The following TENT2 variants were observed in gnomAD, a reference collection of about 807,000 sequenced individuals.
TENT2 encodes the protein terminal nucleotidyltransferase 2, also known as poly(A) RNA polymerase GLD2.
A neutral mutation model predicts 72.2 loss-of-function variants in TENT2; 44 were observed. That is an observed-to-expected ratio of 0.61 (90% CI 0.48 to 0.78). TENT2 has a LOEUF of 0.78. Among genes scored for constraint, TENT2 ranks in the 30% least tolerant of loss-of-function variants. The pLI is 0.00. For synonymous variants in TENT2, 212 were observed against 192.5 expected (o/e 1.10, Z -0.84); for missense variants, 541 against 569.6 (o/e 0.95, Z 0.51).
intron 3 of TENT2, 122 bp downstream of exon 3, chr5:79,620,205 C>T (rs1580176310): frequency 1.7e-6 from 1 of 575,398 alleles, no homozygotes; most frequent in East Asian, 3.0e-5. Context: ...GGGACCTGTA[C>T]GATCAGATGA....
At chr5:79,641,437 GT>G (rs201464334) in intron 6 of TENT2, among the ~76,000 whole-genome samples, 29,185 of 135,388 alleles carry the variant, frequency 0.22, 4,185 homozygotes, top group African/African-American at 0.43. Context: ...TTCACTATGT[GT>G]TTTTTTTTTT....
intron 4 of TENT2, among the ~76,000 whole-genome samples, chr5:79,633,660 C>G (rs1777505669): frequency 6.6e-6 from 1 of 150,972 alleles, no homozygotes; most frequent in South Asian, 2.1e-4. Flanking sequence ...AGGTGATCCA[C>G]CCACCTTAGT....
chr5:79,668,874 CCTT>C lies in TENT2; in HGVS notation c.1072-11_1072-9del, dbSNP rs756942336. Reference sequence around the variant, plus strand: ...TTTTAAATGGCTTTACATTTTTTCCCCTTCTTCTTTTTGACAGGAGTCTTTTAG... The same window carrying C: ...TTTTAAATGGCTTTACATTTTTTCCCCTTCTTTTTGACAGGAGTCTTTTAG... On this transcript the variant is annotated splice_polypyrimidine_tract_variant and intron_variant, in intron 11 of 14. Coordinates refer to ENST00000453514, the MANE Select transcript of TENT2 (RefSeq NM_001114394.3). 49 of 1,590,186 alleles carry C rather than the reference CCTT, an allele frequency of 3.1e-5. No homozygotes were observed. In the Admixed American group the frequency reaches 3.9e-4, roughly 13 times the overall value.
chr5:79,660,301 T>C (rs1801801462), intron 11 of TENT2, among the ~76,000 whole-genome samples: 1 of 152,128 alleles, frequency 6.6e-6, no homozygotes, highest in Admixed American at 6.6e-5. Context: ...TTCAGTTGAA[T>C]AAATGAAGCT....
chr5:79,614,159 A>C (rs939990941), intron 1 of TENT2: 2 of 133,554 alleles, frequency 1.5e-5, no homozygotes, highest in African/African-American at 3.0e-5. Context: ...GCTACAGTGC[A>C]ATGGCACTAT....
At chr5:79,655,261 C>CAT (rs1456524964) in intron 10 of TENT2, among the ~76,000 whole-genome samples, 1 of 152,034 alleles carries the variant, frequency 6.6e-6, no homozygotes, top group Non-Finnish European at 1.5e-5. Flanking sequence ...AAAGTTGTAA[C>CAT]ATAAAGAATT....
At chr5:79,666,862 A>G (rs1351775932) in intron 11 of TENT2, among the ~76,000 whole-genome samples, 1 of 152,144 alleles carries the variant, frequency 6.6e-6, no homozygotes, top group Non-Finnish European at 1.5e-5. Context: ...TTGAGCCACC[A>G]TGCCTGGCTT....
intron 4 of TENT2, among the ~76,000 whole-genome samples, chr5:79,624,601 A>G (rs973649348): frequency 7.9e-5 from 12 of 152,122 alleles, no homozygotes; most frequent in African/African-American, 2.9e-4. Context: ...GGCAACAACT[A>G]ATCTATTTTC....
rs761140978 is a variant in TENT2 at position 79,623,328 on chromosome 5, G to A, written c.304G>A (p.Val102Ile). Reference protein sequence around the residue: ...RFHSPHQEPTVVNQIVPLSGE... With the variant: ...RFHSPHQEPTIVNQIVPLSGE... ...CCATTCACCCCACCAAGAGCCAACT[G>A]TAGTTAACCAGATAGTGCCTTTATC... The change falls in exon 4 of 15, where the codon GTA (valine) becomes ATA (isoleucine). Residue 102 changes from valine to isoleucine, a missense_variant. Coordinates refer to ENST00000453514, the MANE Select transcript of TENT2 (RefSeq NM_001114394.3). 9.4e-5 allele frequency: 151 copies of A among 1,613,380 alleles called. No homozygotes were observed. The highest frequency in any genetic ancestry group is 1.3e-5 in the Non-Finnish European group (15 of 1,179,760).
chr5:79,632,523 T>C (rs1197546817), intron 4 of TENT2, among the ~76,000 whole-genome samples: 1 of 152,204 alleles, frequency 6.6e-6, no homozygotes, highest in Non-Finnish European at 1.5e-5. Flanking sequence ...TTGAAATTTC[T>C]GGTTAGTAGA....
At position 79,616,189 on chromosome 5, in the gene TENT2, A is replaced by ATTTTT. The variant is rs1229523040; in HGVS notation, c.-38+3136_-38+3140dup. The stretch of plus-strand genomic sequence containing the variant: ...GGCATGAGCCATTGCACCCGGCCTA[A>ATTTTT]TTTTTTTTTTTTTTTTTTTTTTTTT... On this transcript the variant is annotated intron_variant, in intron 1 of 14. Coordinates refer to ENST00000453514, the MANE Select transcript of TENT2 (RefSeq NM_001114394.3). Among the ~76,000 whole-genome samples, 4 of 88,130 alleles carry ATTTTT rather than the reference A, an allele frequency of 4.5e-5. 1 individual carries two copies. The highest frequency in any genetic ancestry group is 6.3e-5 in the Non-Finnish European group (3 of 47,800). The allele number at this position is 88,130 out of a possible 152,430, so 57.8% of individuals were successfully genotyped here.
At chr5:79,657,684 C>T (rs1406715931) in intron 11 of TENT2, among the ~76,000 whole-genome samples, 1 of 152,030 alleles carries the variant, frequency 6.6e-6, no homozygotes, top group Non-Finnish European at 1.5e-5. Context: ...CTCCAGAATT[C>T]TCTGTTTCTT....
At chr5:79,672,354 A>G (rs1428525772) in intron 12 of TENT2, among the ~76,000 whole-genome samples, 2 of 152,210 alleles carry the variant, frequency 1.3e-5, no homozygotes, top group Non-Finnish European at 2.9e-5. Flanking sequence ...TAAATGTACA[A>G]TTAAATTATT....
At chr5:79,623,611 G>T (rs1185235782) in intron 4 of TENT2, 122 bp downstream of exon 4, 2 of 570,898 alleles carry the variant, frequency 3.5e-6, no homozygotes, top group Middle Eastern at 4.5e-4. Flanking sequence ...AATGTTTAAA[G>T]TACTATTCAG....
intron 12 of TENT2, among the ~76,000 whole-genome samples, chr5:79,678,657 C>T (rs954198261): frequency 2.6e-5 from 4 of 152,170 alleles, no homozygotes; most frequent in African/African-American, 9.7e-5. Context: ...ATCTGATATA[C>T]AGCCATTAAG....
At chr5:79,631,155 C>T (rs1280400156) in intron 4 of TENT2, among the ~76,000 whole-genome samples, 1 of 152,140 alleles carries the variant, frequency 6.6e-6, no homozygotes, top group Admixed American at 6.5e-5. Flanking sequence ...GCATTCCTGC[C>T]ACCAATCCCC....
chr5:79,664,927 T>C (rs1252171956), intron 11 of TENT2, among the ~76,000 whole-genome samples: 1 of 152,220 alleles, frequency 6.6e-6, no homozygotes, highest in African/African-American at 2.4e-5. Flanking sequence ...CACACTTCAG[T>C]CTGACTTCAA....
chr5:79,669,101 C>A, intron 12 of TENT2, 73 bp downstream of exon 12: 3 of 1,471,422 alleles, frequency 2.0e-6, no homozygotes, highest in South Asian at 2.7e-5. Context: ...TATATGAATA[C>A]GAATATATAA....
At chr5:79,631,815 G>A (rs1463817171) in intron 4 of TENT2, among the ~76,000 whole-genome samples, 3 of 152,162 alleles carry the variant, frequency 2.0e-5, no homozygotes, top group African/African-American at 4.8e-5. Context: ...AGGTGGAAGG[G>A]GAATGAGTCC....
Sources: gnomAD v4.1 joint callset for allele counts (sites outside exome capture counted in the v4.1 genomes callset) on GRCh38, gnomAD v4.1.1 for gene constraint, MANE v1.5 for transcripts, NCBI Gene and HGNC (gene_info 2026-07-23, HGNC 2026-07-21) for gene names.